CAMK2A: variants seen among roughly 807,000 people sequenced by gnomAD.
The protein encoded by CAMK2A is calcium/calmodulin dependent protein kinase II alpha.
In CAMK2A, 7 loss-of-function variants were observed where a neutral mutation model predicts 79.2. That is an observed-to-expected ratio of 0.09 (90% CI 0.05 to 0.17). The LOEUF (loss-of-function observed/expected upper bound fraction) is 0.17, where lower values mean the gene tolerates loss of function less well. CAMK2A is among the 10% of genes least tolerant of loss of function. The pLI is 1.00. For synonymous variants in CAMK2A, 242 were observed against 251.7 expected, an observed-to-expected ratio of 0.96 and a Z score of 0.36; for missense variants, 214 against 646.4, an observed-to-expected ratio of 0.33 and a Z score of 7.25.
At chr5:150,257,693 G>A (rs751915590) in intron 3 of CAMK2A, 76 bp from the exon 4 acceptor site, 137 of 1,182,632 alleles carry the variant, frequency 1.2e-4, no homozygotes, top group Non-Finnish European at 1.5e-4. Context: ...CTCCCCTCCC[G>A]TGTATATCCA....
Position 150,221,527 on chromosome 5 carries a change from A to C in CAMK2A, c.*1183T>G, listed in dbSNP as rs1268486042. ...GAAGACCCCAGTTTGCGAGGGAAGC[A>C]AAGAAAAGTCCAGGTATTTCCATCC... is the stretch of plus-strand genomic sequence containing the variant. On this transcript the variant is annotated 3_prime_UTR_variant, in exon 19 of 19. Transcript: ENST00000671881. The C allele has an allele frequency of 2.5e-6, 1 of 398,608 alleles. No individual in the cohort carries two copies. Among genetic ancestry groups the C allele is most frequent in the African/African-American group, 2.1e-5 (1 of 48,610 alleles). The allele number at this position is 398,608 out of a possible 1,614,324, so 24.7% of individuals were successfully genotyped here.
chr5:150,258,663 G>A (rs1264002065), intron 3 of CAMK2A, among the ~76,000 whole-genome samples: 3 of 152,182 alleles, frequency 2.0e-5, no homozygotes, highest in Admixed American at 6.5e-5. Context: ...GGGGGAGTTG[G>A]GTCATGAGAG....
chr5:150,236,746 A>G (rs1755083923), intron 15 of CAMK2A, among the ~76,000 whole-genome samples: 1 of 152,236 alleles, frequency 6.6e-6, no homozygotes, highest in Non-Finnish European at 1.5e-5. Context: ...TTGGCCTGCC[A>G]CATGCCCCTG....
chr5:150,256,853 C>A lies in CAMK2A; in HGVS notation c.273-22G>T. On this transcript the variant is annotated intron_variant, in intron 4 of 18. Transcript: ENST00000671881. The surrounding 1 kb of genome is among the most constrained non-coding windows in gnomAD (Gnocchi z 4.6). ...GACCCTGGGGAGACAGGCATGGAAT[C>A]ACCCTCTAATAGAGGCGACAGGTGC... 1.2e-6 allele frequency: 2 copies of A among 1,608,284 alleles called. No individual in the cohort carries two copies. Among genetic ancestry groups the A allele is most frequent in the Non-Finnish European group, 1.7e-6 (2 of 1,175,428 alleles).
intron 1 of CAMK2A, among the ~76,000 whole-genome samples, chr5:150,286,747 G>T (rs557202307): frequency 2.0e-5 from 3 of 152,164 alleles, no homozygotes; most frequent in Non-Finnish European, 4.4e-5. Context: ...GGCCAGCCAG[G>T]GGGGAAGCAC....
intron 17 of CAMK2A, among the ~76,000 whole-genome samples, chr5:150,227,795 C>T (rs1431251299): frequency 6.6e-6 from 1 of 152,210 alleles, no homozygotes; most frequent in African/African-American, 2.4e-5. Context: ...TTGTGACCAG[C>T]TGGGCAGCTG....
chr5:150,245,338 GCCTCCTCCTCCTCCTCCTCCTCCTCCT>G, intron 12 of CAMK2A, 137 bp from the exon 13 acceptor site: 2 of 658,456 alleles, frequency 3.0e-6, no homozygotes, highest in East Asian at 2.9e-5. Context: ...CCTGGGGGAG[GCCTCCTCCTCCTCCTCCTCCTCCTCCT>G]CCTCCTCCTC....
At chr5:150,236,640 G>A (rs138076011) in intron 15 of CAMK2A, among the ~76,000 whole-genome samples, 1,740 of 152,282 alleles carry the variant, frequency 0.011, 12 homozygotes, top group Non-Finnish European at 0.018. Context: ...GGATTATGTG[G>A]CTATATCTAT....
chr5:150,267,925 G>A (rs1347873851), intron 2 of CAMK2A, among the ~76,000 whole-genome samples: 1 of 150,130 alleles, frequency 6.7e-6, no homozygotes, highest in African/African-American at 2.5e-5. Flanking sequence ...CCAGACTGGA[G>A]TGCAGTGACT....
At chr5:150,287,937 CTGTGTGTGTGTGTGTGTGTGTG>C (rs57886187) in intron 1 of CAMK2A, among the ~76,000 whole-genome samples, 33 of 140,778 alleles carry the variant, frequency 2.3e-4, no homozygotes, top group Admixed American at 7.0e-5. Context: ...AGGATAGCCT[CTGTGTGTGTGTGTGTGTGTGTG>C]TGTGTGTGTG....
chr5:150,268,291 G>A (rs573303288), intron 2 of CAMK2A, among the ~76,000 whole-genome samples: 11 of 152,140 alleles, frequency 7.2e-5, no homozygotes, highest in African/African-American at 2.4e-4. Context: ...CTCACCTTCC[G>A]GCCAGGAAGC....
chr5:150,289,260 T>C (rs894138912), intron 1 of CAMK2A, among the ~76,000 whole-genome samples: 83 of 152,222 alleles, frequency 5.5e-4, no homozygotes, highest in Non-Finnish European at 9.3e-4. Flanking sequence ...AGAATCTGTG[T>C]GTATCCAGGT....
At chr5:150,250,086 GTC>G in intron 11 of CAMK2A, 138 bp downstream of exon 11, 1 of 653,060 alleles carries the variant, frequency 1.5e-6, no homozygotes, top group South Asian at 1.8e-5. Flanking sequence ...CCAACCTGCT[GTC>G]CAGTATGCAG....
chr5:150,277,384 T>C (rs1339245023), intron 1 of CAMK2A, among the ~76,000 whole-genome samples: 1 of 152,212 alleles, frequency 6.6e-6, no homozygotes, highest in Non-Finnish European at 1.5e-5. Context: ...CTGTGTATCC[T>C]GTCTCCCTTG....
In CAMK2A at chr5:150,221,326, G is replaced by A. The variant is rs746199208; in HGVS notation, c.*1384C>T. 7.5e-5 allele frequency: 30 copies of A among 398,058 alleles called. No homozygotes were observed. The highest frequency in any genetic ancestry group is 1.4e-4 in the South Asian group (1 of 7,186). The allele number at this position is 398,058 out of a possible 1,614,324, so 24.7% of individuals were successfully genotyped here. On this transcript the variant is annotated 3_prime_UTR_variant, in exon 19 of 19. Coordinates refer to ENST00000671881, the MANE Select transcript of CAMK2A (RefSeq NM_015981.4). ...GAAAAGAAAGAGAGAATGCGAACCC[G>A]AGGCTGCAGGATGAGGCATGAAGAG...
rs1755774566 is a variant in CAMK2A, at chr5:150,250,285, T to C, written c.841A>G (p.Met281Val). The change falls in exon 11 of 19, where the codon ATG (methionine) becomes GTG (valine). Residue 281 changes from methionine (M) to valine (V), a missense_variant. By Grantham distance (21) the Met-to-Val change is conservative. Coordinates refer to ENST00000671881, the MANE Select transcript of CAMK2A (RefSeq NM_015981.4). ...CAGTCCACGGTCTCCTGTCTGTGCA[T>C]GCAGGATGCCACGGTGGAGCGGTGC... is the stretch of plus-strand genomic sequence containing the variant. ...ISHRSTVASCMHRQETVDCLK... is the reference protein window; with the variant it reads ...ISHRSTVASCVHRQETVDCLK... 6.2e-7 allele frequency: 1 copy of C among 1,614,006 alleles called. No individual in the cohort carries two copies. The highest frequency in any genetic ancestry group is 8.5e-7 in the Non-Finnish European group (1 of 1,179,964).
In CAMK2A at chr5:150,284,235, T is replaced by C. The variant is rs550576945; in HGVS notation, c.62+5329A>G. Among the ~76,000 whole-genome samples the C allele has an allele frequency of 6.6e-6, 1 of 152,292 alleles. No homozygotes were observed. Among genetic ancestry groups the C allele is most frequent in the Middle Eastern group, 3.4e-3 (1 of 294 alleles). On this transcript the variant is annotated intron_variant, in intron 1 of 18. Coordinates refer to ENST00000671881, the MANE Select transcript of CAMK2A (RefSeq NM_015981.4). This position sits in a 1 kb window ranked among gnomAD's most constrained non-coding sequence, Gnocchi z 5.3. ...AGAAAGACAAGCCCTGCTAGCACCATCTTGCTATCCCTGCACTGGGAGATG... is the reference window on the plus strand; with the variant it reads ...AGAAAGACAAGCCCTGCTAGCACCACCTTGCTATCCCTGCACTGGGAGATG...
In CAMK2A at chr5:150,228,114, C is replaced by T. The variant is rs541226321; in HGVS notation, c.1237+78G>A. 14 of 1,279,388 alleles carry T rather than the reference C, an allele frequency of 1.1e-5. No individual in the cohort carries two copies. The South Asian group carries it at 1.3e-4, about 12-fold the overall frequency. 79.3% of individuals were successfully genotyped at this position (1,279,388 alleles called of 1,614,324 possible). ...CCTGAGCCGCCCCTGGGGCCCTGCC[C>T]GTCACCCTGCTGTGCCATCCAGCAG... On this transcript the variant is annotated intron_variant, in intron 17 of 18. Coordinates refer to ENST00000671881, the MANE Select transcript of CAMK2A (RefSeq NM_015981.4).
intron 2 of CAMK2A, among the ~76,000 whole-genome samples, chr5:150,270,587 C>T (rs1001250315): frequency 1.6e-4 from 24 of 150,138 alleles, no homozygotes; most frequent in Non-Finnish European, 2.2e-4. Context: ...TCAGCATTAA[C>T]CCCCCCTCCC....
Sources: gnomAD v4.1 joint callset for allele counts (sites outside exome capture counted in the v4.1 genomes callset) on GRCh38, gnomAD v4.1.1 for gene constraint, Gnocchi (gnomAD v3.1) non-coding constraint, MANE v1.5 for transcripts, NCBI Gene and HGNC (gene_info 2026-07-23, HGNC 2026-07-21) for gene names.